MGST2: variants seen among roughly 807,000 people sequenced by gnomAD.
The protein encoded by MGST2 is microsomal glutathione S-transferase 2, also known as glutathione peroxidase MGST2.
A neutral mutation model predicts 16.6 loss-of-function variants in MGST2; 9 were observed. The observed-to-expected ratio is 0.54, with a 90% CI of 0.33 to 0.95. The LOEUF (loss-of-function observed/expected upper bound fraction) is 0.95, where lower values mean the gene tolerates loss of function less well. Ranked by LOEUF, MGST2 falls within the 40% of genes least tolerant of loss-of-function variation. The probability of loss-of-function intolerance (pLI) is 0.03; values close to 1 mark genes in which losing one functional copy is unlikely to be tolerated. For synonymous variants in MGST2, 79 were observed against 68.0 expected (o/e 1.16, Z -0.79); for missense variants, 159 against 175.1 (o/e 0.91, Z 0.52).
chr4:139,743,831 T>C (rs1729235984), downstream of MGST2, among the ~76,000 whole-genome samples: 1 of 152,232 alleles, frequency 6.6e-6, no homozygotes, highest in African/African-American at 2.4e-5. Flanking sequence ...TCTTTTTTCT[T>C]TGATGTAGTC....
intron 1 of MGST2, among the ~76,000 whole-genome samples, chr4:139,674,444 G>A (rs1034661929): frequency 6.6e-6 from 1 of 151,778 alleles, no homozygotes; most frequent in Non-Finnish European, 1.5e-5. Flanking sequence ...TTTCCTTGTG[G>A]GTAAATTGTG....
At chr4:139,710,880 A>G (rs543811118) in intron 5 of MGST2, among the ~76,000 whole-genome samples, 54 of 152,230 alleles carry the variant, frequency 3.5e-4, no homozygotes, top group African/African-American at 1.3e-3. Flanking sequence ...GTCATTTCCT[A>G]GAAGTGGAGA....
chr4:139,746,197 G>T, the MGST2 span, among the ~76,000 whole-genome samples: 11 of 152,086 alleles, frequency 7.2e-5, no homozygotes, highest in African/African-American at 2.7e-4. Context: ...AACAGAAATG[G>T]TATGTTATAT....
chr4:139,669,792 C>T (rs1730574523), intron 1 of MGST2, among the ~76,000 whole-genome samples: 1 of 152,096 alleles, frequency 6.6e-6, no homozygotes, highest in African/African-American at 2.4e-5. Context: ...AATGGTTGCC[C>T]AATAATCCAA....
Position 139,704,104 on chromosome 4 carries a change from T to A in MGST2, c.400T>A (p.Tyr134Asn), listed in dbSNP as rs1380146506. ...LGIANSFLDE[Y>N]LDLNIAKKLR... Reference sequence around the variant, plus strand: ...AATTGCAAACAGCTTTCTGGATGAATATCTGGACCTCAATATTGCCAAGAA... The same window carrying A: ...AATTGCAAACAGCTTTCTGGATGAAAATCTGGACCTCAATATTGCCAAGAA... The change falls in exon 5 of 5, where the codon TAT becomes AAT. Residue 134 changes from tyrosine to asparagine, a missense_variant. Tyr to Asn is a moderately radical substitution (Grantham distance 143). Coordinates refer to ENST00000265498, the MANE Select transcript of MGST2 (RefSeq NM_002413.5). The A allele has an allele frequency of 1.2e-6, 2 of 1,614,216 alleles. No homozygotes were observed. Among genetic ancestry groups the A allele is most frequent in the Admixed American group, 1.7e-5 (1 of 60,024 alleles).
chr4:139,707,417 T>C (rs1208856312), downstream of MGST2, among the ~76,000 whole-genome samples: 1,254 of 111,258 alleles, frequency 0.011, no homozygotes, highest in Admixed American at 0.016. Flanking sequence ...TTCCATGGTG[T>C]ATATGTGCCA....
At chr4:139,695,117 A>T in intron 2 of MGST2, 80 bp from the exon 3 acceptor site, 1 of 1,003,846 alleles carries the variant, frequency 1.0e-6, no homozygotes, top group East Asian at 2.4e-5. Context: ...TAGGCTGAAC[A>T]TTTACCTCTA....
intron 1 of MGST2, among the ~76,000 whole-genome samples, chr4:139,674,438 C>T (rs141539514): frequency 6.6e-6 from 1 of 150,780 alleles, no homozygotes; most frequent in East Asian, 1.9e-4. Context: ...AAGGAATTTC[C>T]TTGTGGGTAA....
intron 2 of MGST2, among the ~76,000 whole-genome samples, chr4:139,691,566 G>A (rs746462012): frequency 1.3e-5 from 2 of 152,052 alleles, no homozygotes; most frequent in Admixed American, 6.6e-5. Context: ...AGGTAGAATG[G>A]GATTCCAGGT....
At chr4:139,750,568 C>T in the MGST2 span, among the ~76,000 whole-genome samples, 1 of 152,182 alleles carries the variant, frequency 6.6e-6, no homozygotes, top group Non-Finnish European at 1.5e-5. Flanking sequence ...TATTACGCCA[C>T]ATGATGAAAC....
chr4:139,733,893 T>C (rs1728823758), intron 5 of MGST2, among the ~76,000 whole-genome samples: 2 of 152,216 alleles, frequency 1.3e-5, no homozygotes, highest in Admixed American at 6.5e-5. Context: ...TGCCCATCTG[T>C]GTTGCCCAAG....
At chr4:139,672,446 T>C (rs1730747415) in intron 1 of MGST2, among the ~76,000 whole-genome samples, 1 of 152,180 alleles carries the variant, frequency 6.6e-6, no homozygotes, top group South Asian at 2.1e-4. Flanking sequence ...CCTTTCCAGA[T>C]TGATGCTGCC....
chr4:139,706,610 C>T (rs557031153), downstream of MGST2, among the ~76,000 whole-genome samples: 23 of 152,270 alleles, frequency 1.5e-4, no homozygotes, highest in South Asian at 4.8e-3. Flanking sequence ...CTTTCCAAAT[C>T]TTACAACTGA....
intron 5 of MGST2, among the ~76,000 whole-genome samples, chr4:139,712,229 A>T (rs1455607499): frequency 6.6e-6 from 1 of 152,206 alleles, no homozygotes; most frequent in Admixed American, 6.5e-5. Flanking sequence ...CCAGAATTAG[A>T]ATACTGATCC....
intron 5 of MGST2, chr4:139,719,074 CG>C (rs1728112766): frequency 2.1e-6 from 1 of 473,268 alleles, no homozygotes; most frequent in Non-Finnish European, 3.7e-6. Flanking sequence ...CCTGCTCCTC[CG>C]GGTGTCTCCC....
chr4:139,678,145 CTG>C (rs1352293421), intron 1 of MGST2, among the ~76,000 whole-genome samples: 1 of 152,158 alleles, frequency 6.6e-6, no homozygotes, highest in Non-Finnish European at 1.5e-5. Flanking sequence ...CTTTTAATGT[CTG>C]TTAATTAATC....
At chr4:139,696,428 C>CT (rs1264158341) in intron 3 of MGST2, among the ~76,000 whole-genome samples, 1 of 152,168 alleles carries the variant, frequency 6.6e-6, no homozygotes, top group African/African-American at 2.4e-5. Flanking sequence ...ATCATCAGAA[C>CT]CCTTCTGCCA....
intron 2 of MGST2, among the ~76,000 whole-genome samples, chr4:139,683,081 G>A (rs532549394): frequency 2.4e-4 from 36 of 152,284 alleles, no homozygotes; most frequent in Non-Finnish European, 3.8e-4. Context: ...GCAGGCAAGC[G>A]GGGGCAGTTC....
At chr4:139,730,608 T>G (rs1185073625) in intron 5 of MGST2, 2 of 1,612,338 alleles carry the variant, frequency 1.2e-6, no homozygotes, top group Non-Finnish European at 1.7e-6. Flanking sequence ...CACCTGAGCC[T>G]GGGGGCACGG....
Sources: allele counts gnomAD v4.1 joint callset (sites outside exome capture counted in the v4.1 genomes callset), GRCh38; gene constraint gnomAD v4.1.1; transcripts MANE v1.5; gene names NCBI Gene and HGNC (gene_info 2026-07-23, HGNC 2026-07-21).